Variants in RUNDC3A observed in about 807,000 individuals in gnomAD.
RUNDC3A encodes RUN domain containing 3A.
Under a neutral mutation model 53.9 loss-of-function variants are expected in RUNDC3A, and 28 were observed. The observed-to-expected ratio is 0.52, with a 90% CI of 0.38 to 0.71. RUNDC3A has a LOEUF of 0.71. Ranked by LOEUF, RUNDC3A falls within the 30% of genes least tolerant of loss-of-function variation. RUNDC3A has a pLI of 0.00. For missense variants in RUNDC3A, 491 were observed against 597.3 expected, an observed-to-expected ratio of 0.82 and a Z score of 1.85; for synonymous variants, 232 against 249.4, an observed-to-expected ratio of 0.93 and a Z score of 0.66.
chr17:44,317,916 A>G (rs1181559647), intron 10 of RUNDC3A, 180 bp from the exon 11 acceptor site: 3 of 618,080 alleles, frequency 4.9e-6, no homozygotes, highest in East Asian at 5.5e-5. Context: ...CAGTGTCCCC[A>G]GCACGGTGCC....
At position 44,313,121 on chromosome 17, in the gene RUNDC3A, C is replaced by T; in HGVS notation, c.241C>T (p.Pro81Ser). 1 of 1,614,038 alleles carries T rather than the reference C, an allele frequency of 6.2e-7. No individual in the cohort carries two copies. The highest frequency in any genetic ancestry group is 8.5e-7 in the Non-Finnish European group (1 of 1,179,882). Residue 81 changes from proline (P) to serine (S), a missense_variant, in exon 3 of 11, where the codon CCA becomes TCA. Coordinates refer to ENST00000426726, the MANE Select transcript of RUNDC3A (RefSeq NM_001144825.2). Reference sequence around the variant, plus strand: ...TGGCTCAGCCTGTGCCCCAGCAGGTCCAGTGAGCTGGTTCAGCTCAGACGG... The same window carrying T: ...TGGCTCAGCCTGTGCCCCAGCAGGTTCAGTGAGCTGGTTCAGCTCAGACGG... ...HRFKACAPAG[P>S]VSWFSSDGQR...
At chr17:44,314,563 G>A in intron 4 of RUNDC3A, 172 bp from the exon 5 acceptor site, 1 of 1,442,142 alleles carries the variant, frequency 6.9e-7, no homozygotes, top group South Asian at 1.5e-5. Context: ...GGGGCCACAG[G>A]TGCGAGCCCC....
chr17:44,315,440 G>A lies in RUNDC3A; in HGVS notation c.796-12G>A, dbSNP rs1213645663. On this transcript the variant is annotated splice_polypyrimidine_tract_variant and intron_variant, in intron 7 of 10. Coordinates refer to ENST00000426726, the MANE Select transcript of RUNDC3A (RefSeq NM_001144825.2). This position sits in a 1 kb window ranked among gnomAD's most constrained non-coding sequence, Gnocchi z 6.1. ...TCCTCCCAGCCGCCCGGGCTGAGCC[G>A]GCGCCCCGCAGGGCTACCTGGAGGA... is the stretch of plus-strand genomic sequence containing the variant. 7.7e-6 allele frequency: 11 copies of A among 1,434,516 alleles called. No homozygotes were observed. The highest frequency in any genetic ancestry group is 1.0e-5 in the Non-Finnish European group (11 of 1,091,584). 88.9% of individuals were successfully genotyped at this position (1,434,516 alleles called of 1,614,324 possible). A position where few individuals can be genotyped will look rare whatever the true frequency, so the allele number is the denominator to read the frequency against.
In RUNDC3A at chr17:44,316,723, T is replaced by A; in HGVS notation, c.1196T>A (p.Ile399Asn). The change falls in exon 10 of 11, where the codon ATC becomes AAC. Residue 399 changes from isoleucine to asparagine, a missense_variant and splice_region_variant. Around this residue, in one of 2 missense-constraint regions of RUNDC3A, gnomAD observed 218 missense variants for 208.2 expected, o/e 1.05. Coordinates refer to ENST00000426726, the MANE Select transcript of RUNDC3A (RefSeq NM_001144825.2). The stretch of plus-strand genomic sequence containing the variant: ...CGGGACGAGGAGCCCTGGGGTCCCA[T>A]CGGTGAGCTCCCCCAACCCAACACC... ...GTRDEEPWGPIGKDPTPSMLG... is the reference protein window; with the variant it reads ...GTRDEEPWGPNGKDPTPSMLG... The A allele has an allele frequency of 6.5e-7, 1 of 1,546,840 alleles. No individual in the cohort carries two copies. The highest frequency in any genetic ancestry group is 8.7e-7 in the Non-Finnish European group (1 of 1,145,602).
intron 1 of RUNDC3A, among the ~76,000 whole-genome samples, chr17:44,312,223 T>G (rs73983969): frequency 0.017 from 2,663 of 152,250 alleles, 92 homozygotes; most frequent in African/African-American, 0.061. Flanking sequence ...GGGTGGTCTA[T>G]GGGGAAGGGG....
At chr17:44,317,112 C>G (rs561953620) in intron 10 of RUNDC3A, 27 of 402,982 alleles carry the variant, frequency 6.7e-5, no homozygotes, top group African/African-American at 5.2e-4. Flanking sequence ...TCCCAAAGTG[C>G]TGGGATTACA....
chr17:44,312,523 A>G (rs2047767271), intron 1 of RUNDC3A, 57 bp from the exon 2 acceptor site: 3 of 977,858 alleles, frequency 3.1e-6, no homozygotes, highest in Admixed American at 2.2e-5. Context: ...CTCTCCCTCC[A>G]TCACCTGTTT....
chr17:44,314,316 CG>C, intron 4 of RUNDC3A: 2 of 1,023,044 alleles, frequency 2.0e-6, no homozygotes, highest in Non-Finnish European at 2.3e-6. Context: ...CTGGGTGTGG[CG>C]GGGGGCATAT....
At chr17:44,309,024 CG>C (rs1166699961) in intron 1 of RUNDC3A, 85 bp downstream of exon 1, 1 of 913,896 alleles carries the variant, frequency 1.1e-6, no homozygotes. Flanking sequence ...AGCGCTGCCG[CG>C]GAGAAAAGGG....
Position 44,317,899 on chromosome 17 carries a change from T to C in RUNDC3A, c.1199-197T>C, listed in dbSNP as rs146435457. The C allele has an allele frequency of 4.7e-4, 284 of 601,850 alleles. 1 individual carries two copies. In the East Asian group the frequency reaches 5.9e-3, roughly 12 times the overall value. 37.3% of individuals were successfully genotyped at this position (601,850 alleles called of 1,614,324 possible). ...GGAGACAGAGACATCAACTGACGAT[T>C]ACAATACAGTGTCCCCAGCACGGTG... On this transcript the variant is annotated intron_variant, in intron 10 of 10. Transcript: ENST00000426726.
intron 10 of RUNDC3A, 146 bp from the exon 11 acceptor site, chr17:44,317,948 CAA>C (rs776659028): frequency 7.5e-6 from 6 of 795,414 alleles, no homozygotes; most frequent in Non-Finnish European, 1.2e-5. Context: ...GGTGCTTAAC[CAA>C]AGTTTAACTG....
rs1229158447 is a variant in RUNDC3A at position 44,318,204 on chromosome 17, G to A, written c.1307G>A (p.Ser436Asn). 6.4e-6 allele frequency: 10 copies of A among 1,551,208 alleles called. No homozygotes were observed. Among genetic ancestry groups the A allele is most frequent in the African/African-American group, 2.7e-5 (2 of 73,050 alleles). Residue 436 changes from serine to asparagine, a missense_variant, in exon 11 of 11, where the codon AGT becomes AAT. This residue lies in a region of RUNDC3A where 218 missense variants were observed against 208.2 expected (regional missense o/e 1.05). Transcript: ENST00000426726. ...TCCAACGAGTGCCTGGTGAGCGACA[G>A]TCCCGAGGGCAGCCCAGCACTGAGC... ...FKSNECLVSD[S>N]PEGSPALSPS
At chr17:44,312,532 T>C (rs1275592989) in intron 1 of RUNDC3A, 48 bp from the exon 2 acceptor site, 1 of 1,090,594 alleles carries the variant, frequency 9.2e-7, no homozygotes, top group African/African-American at 1.6e-5. Context: ...CATCACCTGT[T>C]TCCTCACCTG....
chr17:44,314,331 T>A (rs903020313), intron 4 of RUNDC3A: 1 of 1,026,574 alleles, frequency 9.7e-7, no homozygotes, highest in African/African-American at 1.7e-5. Flanking sequence ...GGCATATACC[T>A]CCCCATCCCA....
Position 44,316,630 on chromosome 17 carries a change from T to A in RUNDC3A, c.1103T>A (p.Met368Lys). ...NSKLYRRHSFMSTEPLSAEAS... is the reference protein window; with the variant it reads ...NSKLYRRHSFKSTEPLSAEAS... ...TCGCTCTGCCGCAGACACAGCTTCA[T>A]GAGCACGGAGCCGCTGTCAGCTGAA... The change falls in exon 10 of 11, where the codon ATG (methionine) becomes AAG (lysine). Residue 368 changes from methionine (M) to lysine (K), a missense_variant. Met to Lys is a moderately conservative substitution (Grantham distance 95). Coordinates refer to ENST00000426726, the MANE Select transcript of RUNDC3A (RefSeq NM_001144825.2). 6.4e-7 allele frequency: 1 copy of A among 1,551,522 alleles called. No homozygotes were observed. The highest frequency in any genetic ancestry group is 8.7e-7 in the Non-Finnish European group (1 of 1,147,372).
At chr17:44,309,153 G>C (rs909832783) in intron 1 of RUNDC3A, among the ~76,000 whole-genome samples, 1 of 152,184 alleles carries the variant, frequency 6.6e-6, no homozygotes, top group Non-Finnish European at 1.5e-5. Context: ...GCCCGGGCCT[G>C]GGCCTGGGGG....
chr17:44,309,551 G>T (rs1264270099), intron 1 of RUNDC3A, among the ~76,000 whole-genome samples: 2 of 152,106 alleles, frequency 1.3e-5, no homozygotes, highest in Non-Finnish European at 2.9e-5. Context: ...GGGTGGAACG[G>T]TTGCAGGGTT....
rs1251690281 is a variant in RUNDC3A, at chr17:44,313,499, A to G, written c.454A>G (p.Thr152Ala). Reference sequence around the variant, plus strand: ...CACGGCTCTGCGTGACACCCGGACCACCAGGTCAGACTTCCCAGGCAACTC... The same window carrying G: ...CACGGCTCTGCGTGACACCCGGACCGCCAGGTCAGACTTCCCAGGCAACTC... ...ITTALRDTRT[T>A]RRFYDSGAIM... The change falls in exon 4 of 11, where the codon ACC becomes GCC. Residue 152 changes from threonine (T) to alanine (A), a missense_variant. By Grantham distance (58) the Thr-to-Ala change is moderately conservative. Coordinates refer to ENST00000426726, the MANE Select transcript of RUNDC3A (RefSeq NM_001144825.2). 1 of 1,608,100 alleles carries G rather than the reference A, an allele frequency of 6.2e-7. No homozygotes were observed. The highest frequency in any genetic ancestry group is 8.5e-7 in the Non-Finnish European group (1 of 1,175,180).
At chr17:44,313,980 C>T (rs1327947689) in intron 4 of RUNDC3A, 1 of 992,086 alleles carries the variant, frequency 1.0e-6, no homozygotes, top group African/African-American at 1.7e-5. Context: ...CCAGGACAAA[C>T]TTTTACCACC....
Sources: gnomAD v4.1 joint callset for allele counts (sites outside exome capture counted in the v4.1 genomes callset) on GRCh38, gnomAD v4.1.1 for gene constraint, gnomAD v4.1.1 regional missense constraint, Gnocchi (gnomAD v3.1) non-coding constraint, MANE v1.5 for transcripts, NCBI Gene and HGNC (gene_info 2026-07-23, HGNC 2026-07-21) for gene names.